The following TTBK2 variants were observed in gnomAD, a reference collection of about 807,000 sequenced individuals.
TTBK2 encodes tau tubulin kinase 2.
In TTBK2, 28 loss-of-function variants were observed where a neutral mutation model predicts 110.8. That is an observed-to-expected ratio of 0.25 (90% CI 0.19 to 0.35). The LOEUF (loss-of-function observed/expected upper bound fraction) is 0.35, where lower values mean the gene tolerates loss of function less well. TTBK2 is among the 10% of genes least tolerant of loss of function. TTBK2 has a pLI of 1.00. For synonymous variants in TTBK2, 532 were observed against 527.3 expected (o/e 1.01, Z -0.12); for missense variants, 1,369 against 1,500.3 (o/e 0.91, Z 1.45).
At chr15:42,773,740 A>C (rs1889778261) in intron 13 of TTBK2, among the ~76,000 whole-genome samples, 1 of 152,194 alleles carries the variant, frequency 6.6e-6, no homozygotes, top group South Asian at 2.1e-4. Flanking sequence ...TAAAGAACAA[A>C]GTGAACCTGG....
intron 11 of TTBK2, among the ~76,000 whole-genome samples, chr15:42,779,457 A>G (rs573138453): frequency 6.6e-6 from 1 of 151,996 alleles, no homozygotes; most frequent in South Asian, 2.1e-4. Flanking sequence ...CCCCGACTTT[A>G]TATTTGGCAT....
At chr15:42,918,844 TAGAG>T (rs1253105556) in intron 1 of TTBK2, among the ~76,000 whole-genome samples, 1 of 152,154 alleles carries the variant, frequency 6.6e-6, no homozygotes, top group Non-Finnish European at 1.5e-5. Flanking sequence ...TATAATGCAA[TAGAG>T]AATTTACTAA....
chr15:42,855,678 T>C (rs1008212278), intron 3 of TTBK2, among the ~76,000 whole-genome samples: 23 of 152,158 alleles, frequency 1.5e-4, no homozygotes, highest in African/African-American at 5.5e-4. Context: ...TATTTATTTA[T>C]TTATTATATA....
At chr15:42,763,029 G>A (rs556333246) in intron 13 of TTBK2, among the ~76,000 whole-genome samples, 2 of 144,704 alleles carry the variant, frequency 1.4e-5, no homozygotes, top group Non-Finnish European at 3.0e-5. Context: ...CAGCTAGAGA[G>A]AAGGAATAAC....
In TTBK2 at chr15:42,742,370, G is replaced by C. The variant is rs1219864985; in HGVS notation, c.*3425C>G. 2 of 152,170 alleles carry C rather than the reference G, an allele frequency of 1.3e-5. No individual in the cohort carries two copies. The highest frequency in any genetic ancestry group is 2.9e-5 in the Non-Finnish European group (2 of 68,030). 9.4% of individuals were successfully genotyped at this position (152,170 alleles called of 1,614,324 possible). On this transcript the variant is annotated 3_prime_UTR_variant, in exon 15 of 15. Coordinates refer to ENST00000267890, the MANE Select transcript of TTBK2 (RefSeq NM_173500.4). ...GAATGAGAGTGTCTGTCTGCCTAGG[G>C]CTTAACATTCAAAGATATTTATAAT...
At chr15:42,825,636 A>G (rs774248746) in intron 6 of TTBK2, among the ~76,000 whole-genome samples, 1 of 152,042 alleles carries the variant, frequency 6.6e-6, no homozygotes, top group Non-Finnish European at 1.5e-5. Context: ...AATCACTTGA[A>G]CCTAGGAGGC....
At chr15:42,909,973 C>T (rs1005535736) in intron 1 of TTBK2, among the ~76,000 whole-genome samples, 4 of 152,026 alleles carry the variant, frequency 2.6e-5, no homozygotes, top group Admixed American at 6.6e-5. Context: ...CTAAACAACA[C>T]AGGGAGATCC....
intron 3 of TTBK2, among the ~76,000 whole-genome samples, chr15:42,852,875 G>A (rs1893776761): frequency 6.6e-6 from 1 of 152,170 alleles, no homozygotes; most frequent in African/African-American, 2.4e-5. Context: ...AAACAAAAGA[G>A]TAGATTATAT....
chr15:42,776,139 A>C (rs899201599), intron 12 of TTBK2, among the ~76,000 whole-genome samples: 1 of 152,226 alleles, frequency 6.6e-6, no homozygotes, highest in African/African-American at 2.4e-5. Flanking sequence ...AAGAACACAC[A>C]TATGTGAAGG....
chr15:42,846,538 G>A (rs913670063), intron 3 of TTBK2, among the ~76,000 whole-genome samples: 1 of 152,154 alleles, frequency 6.6e-6, no homozygotes, highest in African/African-American at 2.4e-5. Flanking sequence ...GGAATGCATG[G>A]ATGTGGAACC....
chr15:42,872,796 T>C, intron 2 of TTBK2, 38 bp from the exon 3 acceptor site: 2 of 1,609,710 alleles, frequency 1.2e-6, no homozygotes, highest in Non-Finnish European at 8.5e-7. Context: ...TCTAAATTAC[T>C]AGAAGATTCT....
chr15:42,851,702 A>G (rs981844873), intron 3 of TTBK2, among the ~76,000 whole-genome samples: 2 of 152,068 alleles, frequency 1.3e-5, no homozygotes, highest in African/African-American at 4.8e-5. Flanking sequence ...ATATATGTGT[A>G]TATATATATC....
chr15:42,846,199 CTT>C (rs796155471), intron 3 of TTBK2, among the ~76,000 whole-genome samples: 3 of 140,706 alleles, frequency 2.1e-5, no homozygotes, highest in South Asian at 2.2e-4. Context: ...TTTTTTCTTT[CTT>C]TTTTTTTTTG....
At chr15:42,802,157 C>T (rs910363175) in intron 9 of TTBK2, 5 of 1,399,918 alleles carry the variant, frequency 3.6e-6, no homozygotes, top group Non-Finnish European at 5.0e-6. Flanking sequence ...GTGCGCACGG[C>T]CTGGATGTTG....
intron 1 of TTBK2, among the ~76,000 whole-genome samples, chr15:42,881,519 A>C (rs566438062): frequency 1.3e-5 from 2 of 152,166 alleles, no homozygotes; most frequent in African/African-American, 4.8e-5. Context: ...AAAGGTGAAC[A>C]CCCTAGAAAT....
At chr15:42,811,076 G>C (rs895592640) in intron 8 of TTBK2, among the ~76,000 whole-genome samples, 2 of 152,056 alleles carry the variant, frequency 1.3e-5, no homozygotes, top group Admixed American at 1.3e-4. Flanking sequence ...CTGCAGCCTC[G>C]ACCTTTGAGA....
chr15:42,855,201 C>A (rs1893881040), intron 3 of TTBK2: 1 of 152,106 alleles, frequency 6.6e-6, no homozygotes, highest in South Asian at 2.1e-4. Context: ...CCTCAGCCTC[C>A]TGAAAATTTA....
At chr15:42,883,513 T>C (rs192869609) in intron 1 of TTBK2, among the ~76,000 whole-genome samples, 1 of 151,810 alleles carries the variant, frequency 6.6e-6, no homozygotes, top group African/African-American at 2.4e-5. Context: ...TAATATTTAA[T>C]GTAATAACTC....
intron 6 of TTBK2, among the ~76,000 whole-genome samples, chr15:42,824,455 C>T (rs1179320265): frequency 2.0e-5 from 3 of 152,090 alleles, no homozygotes; most frequent in South Asian, 2.1e-4. Flanking sequence ...TGAAGGTACA[C>T]GGTAACTGTA....
Sources: allele counts gnomAD v4.1 joint callset (sites outside exome capture counted in the v4.1 genomes callset), GRCh38; gene constraint gnomAD v4.1.1; transcripts MANE v1.5; gene names NCBI Gene and HGNC (gene_info 2026-07-23, HGNC 2026-07-21).